The following LRRIQ1 variants were observed in gnomAD, a reference collection of about 807,000 sequenced individuals.
The protein encoded by LRRIQ1 is leucine-rich repeat- and IQ domain-containing protein 1.
In LRRIQ1, 210 loss-of-function variants were observed where a neutral mutation model predicts 211.9. The ratio of observed to expected loss-of-function variants is 0.99; its 90% CI spans 0.89 to 1.11. The LOEUF is 1.11. Among genes scored for constraint, LRRIQ1 ranks in the 50% most tolerant of loss-of-function variants. The pLI is 0.00. For synonymous variants in LRRIQ1, 699 were observed against 650.1 expected (o/e 1.08, Z -1.14); for missense variants, 2,136 against 1,939.5 (o/e 1.10, Z -1.90).
Position 85,153,763 on chromosome 12 carries a change from G to A in LRRIQ1, c.4637+5G>A, listed in dbSNP as rs764475144. The A allele has an allele frequency of 6.7e-7, 1 of 1,498,466 alleles. No individual in the cohort carries two copies. The highest frequency in any genetic ancestry group is 2.3e-5 in the East Asian group (1 of 42,568). 92.8% of individuals were successfully genotyped at this position (1,498,466 alleles called of 1,614,324 possible). A position where few individuals can be genotyped will look rare whatever the true frequency, so the allele number is the denominator to read the frequency against. On this transcript the variant is annotated splice_donor_5th_base_variant and intron_variant, in intron 22 of 26. Coordinates refer to ENST00000393217, the MANE Select transcript of LRRIQ1 (RefSeq NM_001079910.2). ...AAAAAAAATTTCAGAAGAATGGTATGTAGTCAATTTGACACTAATAAATTA... is the reference window on the plus strand; with the variant it reads ...AAAAAAAATTTCAGAAGAATGGTATATAGTCAATTTGACACTAATAAATTA...
rs866156180 is a variant in LRRIQ1, at chr12:85,250,923, T to G, written c.121+6014T>G. On this transcript the variant is annotated intron_variant, in intron 1 of 1. Transcript: ENST00000602731. ...TATATTATATATAATATATTTTATA[T>G]ATTATATATTATATATAATATATTT... 6.0e-3 allele frequency among the ~76,000 whole-genome samples: 427 copies of G among 71,662 alleles called. 30 individuals are homozygous for G. The highest frequency in any genetic ancestry group is 0.048 in the African/African-American group (309 of 6,414). The allele number at this position is 71,662 out of a possible 152,430, so 47.0% of individuals were successfully genotyped here.
At chr12:85,153,191 A>G in intron 21 of LRRIQ1, 46 bp downstream of exon 21, 1 of 1,484,630 alleles carries the variant, frequency 6.7e-7, no homozygotes, top group Non-Finnish European at 9.2e-7. Flanking sequence ...GAATGACAAC[A>G]GTATTACATA....
At chr12:85,103,931 T>C in intron 13 of LRRIQ1, 73 bp from the exon 14 acceptor site, 1 of 683,636 alleles carries the variant, frequency 1.5e-6, no homozygotes, top group Non-Finnish European at 2.4e-6. Context: ...AATGTATTGT[T>C]ATATAGTTAC....
chr12:85,180,478 T>TA (rs576088123), intron 24 of LRRIQ1, among the ~76,000 whole-genome samples: 22 of 151,836 alleles, frequency 1.4e-4, no homozygotes, highest in African/African-American at 3.9e-4. Context: ...TTATTTTAAT[T>TA]AAAAAAAATG....
intron 9 of LRRIQ1, among the ~76,000 whole-genome samples, chr12:85,065,731 A>G (rs1192621170): frequency 6.6e-6 from 1 of 151,882 alleles, no homozygotes; most frequent in Non-Finnish European, 1.5e-5. Context: ...TCTGTGGGCC[A>G]TTAATTTGAC....
chr12:85,262,880 T>G (rs552604160), intron 1 of LRRIQ1: 4 of 928,250 alleles, frequency 4.3e-6, no homozygotes, highest in Non-Finnish European at 3.9e-6. Flanking sequence ...TTGGTTCATA[T>G]TCAGTGAAAG....
intron 13 of LRRIQ1, among the ~76,000 whole-genome samples, chr12:85,102,139 A>G (rs889539076): frequency 4.0e-5 from 6 of 151,656 alleles, no homozygotes; most frequent in Admixed American, 3.9e-4. Flanking sequence ...ATATTTATAT[A>G]TATATTGCAT....
chr12:85,189,762 T>G (rs981527099), intron 24 of LRRIQ1, among the ~76,000 whole-genome samples: 6 of 147,264 alleles, frequency 4.1e-5, no homozygotes, highest in Non-Finnish European at 9.0e-5. Flanking sequence ...AGATTAAAAA[T>G]ATATATAATA....
intron 11 of LRRIQ1, among the ~76,000 whole-genome samples, chr12:85,083,629 G>A (rs1393732791): frequency 1.3e-5 from 2 of 151,922 alleles, no homozygotes; most frequent in East Asian, 1.9e-4. Context: ...CAGTAGGGAC[G>A]GGGTTTCACC....
At chr12:85,102,959 A>ATATATATATATAT (rs1555207753) in intron 13 of LRRIQ1, among the ~76,000 whole-genome samples, 8 of 108,456 alleles carry the variant, frequency 7.4e-5, no homozygotes, top group African/African-American at 3.3e-4. Context: ...AAAAAAAAAA[A>ATATATATATATAT]ATATATATAT....
chr12:85,175,893 T>C (rs977348266), intron 24 of LRRIQ1, among the ~76,000 whole-genome samples: 1 of 152,080 alleles, frequency 6.6e-6, no homozygotes, highest in Non-Finnish European at 1.5e-5. Context: ...GTACCATGCT[T>C]TTTTGGTTAC....
At chr12:85,171,240 G>A (rs923005332) in intron 24 of LRRIQ1, among the ~76,000 whole-genome samples, 1 of 152,044 alleles carries the variant, frequency 6.6e-6, no homozygotes, top group African/African-American at 2.4e-5. Flanking sequence ...TCAATGGATG[G>A]ATTCAGCTAC....
At chr12:85,181,172 A>G (rs1430339020) in intron 24 of LRRIQ1, among the ~76,000 whole-genome samples, 1 of 109,084 alleles carries the variant, frequency 9.2e-6, no homozygotes, top group Non-Finnish European at 1.9e-5. Context: ...ACCTTTAAAC[A>G]TTCCAGTAAT....
At chr12:85,239,813 A>G (rs1208012094) in intron 26 of LRRIQ1, among the ~76,000 whole-genome samples, 1 of 151,872 alleles carries the variant, frequency 6.6e-6, no homozygotes, top group Non-Finnish European at 1.5e-5. Context: ...CTCCATCTCT[A>G]TCAAAAATAC....
intron 7 of LRRIQ1, among the ~76,000 whole-genome samples, chr12:85,053,929 T>C (rs1880654487): frequency 6.6e-6 from 1 of 152,158 alleles, no homozygotes; most frequent in Non-Finnish European, 1.5e-5. Flanking sequence ...GGATTGAAAA[T>C]ATTTTTAGTT....
intron 7 of LRRIQ1, among the ~76,000 whole-genome samples, chr12:85,052,533 C>G (rs1880460449): frequency 6.6e-6 from 1 of 151,850 alleles, no homozygotes; most frequent in Non-Finnish European, 1.5e-5. Flanking sequence ...TCTTTATGTT[C>G]AAAGATTGTT....
At chr12:85,227,390 G>A (rs918946482) in intron 24 of LRRIQ1, among the ~76,000 whole-genome samples, 1 of 152,028 alleles carries the variant, frequency 6.6e-6, no homozygotes, top group African/African-American at 2.4e-5. Flanking sequence ...TCGTCATTTA[G>A]TATTAGGTAG....
chr12:85,100,703 G>A (rs943871240), intron 13 of LRRIQ1, among the ~76,000 whole-genome samples: 1 of 151,620 alleles, frequency 6.6e-6, no homozygotes, highest in African/African-American at 2.4e-5. Context: ...CTTTGTACCT[G>A]TAACCTTCTG....
At chr12:85,218,376 A>G (rs1477094198) in intron 24 of LRRIQ1, among the ~76,000 whole-genome samples, 1 of 152,046 alleles carries the variant, frequency 6.6e-6, no homozygotes, top group Non-Finnish European at 1.5e-5. Context: ...CATTAAGGCT[A>G]TGCATGATGG....
Sources: gnomAD v4.1 joint callset for allele counts (sites outside exome capture counted in the v4.1 genomes callset) on GRCh38, gnomAD v4.1.1 for gene constraint, MANE v1.5 for transcripts, NCBI Gene and HGNC (gene_info 2026-07-23, HGNC 2026-07-21) for gene names.